EFR3A: variants seen among roughly 807,000 people sequenced by gnomAD.
EFR3A encodes protein EFR3 homolog A.
In EFR3A, 76 loss-of-function variants were observed where a neutral mutation model predicts 104.4. The observed-to-expected ratio is 0.73, with a 90% CI of 0.60 to 0.88. The LOEUF (loss-of-function observed/expected upper bound fraction) is 0.88. Among genes scored for constraint, EFR3A ranks in the 40% least tolerant of loss-of-function variants. The pLI, the probability that EFR3A is intolerant of heterozygous loss-of-function variation, is 0.00. For synonymous variants in EFR3A, 330 were observed against 330.0 expected (o/e 1.00, Z 0.00); for missense variants, 985 against 1,012.5 (o/e 0.97, Z 0.37).
At chr8:131,966,426 A>T (rs919510364) in intron 8 of EFR3A, among the ~76,000 whole-genome samples, 2 of 152,124 alleles carry the variant, frequency 1.3e-5, no homozygotes, top group African/African-American at 4.8e-5. Context: ...TGTCGTCATT[A>T]TTGTTATGTT....
chr8:131,958,960 G>T (rs1819166770), intron 7 of EFR3A, among the ~76,000 whole-genome samples: 1 of 152,110 alleles, frequency 6.6e-6, no homozygotes, highest in Non-Finnish European at 1.5e-5. Flanking sequence ...GACCCTTAGA[G>T]AAGTCAAGTA....
chr8:131,970,323 C>A (rs1819977805), intron 9 of EFR3A, among the ~76,000 whole-genome samples, 153 bp from the exon 10 acceptor site: 1 of 152,076 alleles, frequency 6.6e-6, no homozygotes, highest in Non-Finnish European at 1.5e-5. Flanking sequence ...TTCTCATTTA[C>A]TCTTTTTTAA....
chr8:131,925,722 G>A (rs1563629988), intron 1 of EFR3A, among the ~76,000 whole-genome samples: 1 of 152,010 alleles, frequency 6.6e-6, no homozygotes, highest in Admixed American at 6.6e-5. Context: ...AACTCTTAAT[G>A]CTATATTAAG....
chr8:131,933,778 G>T (rs1243338371), intron 1 of EFR3A, among the ~76,000 whole-genome samples: 5 of 150,778 alleles, frequency 3.3e-5, no homozygotes, highest in African/African-American at 1.2e-4. Context: ...GTATAAACCA[G>T]TTAGTTGCCT....
intron 1 of EFR3A, among the ~76,000 whole-genome samples, chr8:131,910,272 A>G (rs2130377842): frequency 6.6e-6 from 1 of 152,260 alleles, no homozygotes; most frequent in South Asian, 2.1e-4. Context: ...AGCTGCAGCC[A>G]TCTTTCTCTG....
At chr8:131,968,219 GT>G in intron 8 of EFR3A, 75 bp from the exon 9 acceptor site, 65 of 1,434,630 alleles carry the variant, frequency 4.5e-5, no homozygotes, top group Middle Eastern at 1.8e-4. Context: ...CGTGTCAGGT[GT>G]TTTTTTTATT....
intron 17 of EFR3A, among the ~76,000 whole-genome samples, chr8:131,987,134 G>A (rs531245868): frequency 6.6e-6 from 1 of 152,244 alleles, no homozygotes; most frequent in South Asian, 2.1e-4. Flanking sequence ...CAAGGAAAGT[G>A]AAACCTTATG....
At chr8:131,907,396 GA>G (rs1484402114) in intron 1 of EFR3A, among the ~76,000 whole-genome samples, 1 of 152,170 alleles carries the variant, frequency 6.6e-6, no homozygotes, top group Non-Finnish European at 1.5e-5. Flanking sequence ...TATTTTATAT[GA>G]AAAGTTATTC....
At chr8:131,913,134 T>C (rs79795880) in intron 1 of EFR3A, among the ~76,000 whole-genome samples, 1 of 32,522 alleles carries the variant, frequency 3.1e-5, no homozygotes, top group African/African-American at 8.7e-5. Flanking sequence ...ATTTTTCTGT[T>C]TTTTTTTTTT....
intron 7 of EFR3A, among the ~76,000 whole-genome samples, chr8:131,959,352 A>G (rs1819187997): frequency 6.6e-6 from 1 of 152,170 alleles, no homozygotes; most frequent in Non-Finnish European, 1.5e-5. Flanking sequence ...TGGAATCAAT[A>G]AATATTTGTT....
chr8:131,924,697 G>A (rs1817213530), intron 1 of EFR3A, among the ~76,000 whole-genome samples: 1 of 151,996 alleles, frequency 6.6e-6, no homozygotes, highest in Admixed American at 6.6e-5. Flanking sequence ...CAGATTTCTT[G>A]AAAGGAGAAA....
At chr8:131,959,859 A>G (rs948640653) in intron 8 of EFR3A, among the ~76,000 whole-genome samples, 196 bp downstream of exon 8, 3 of 152,236 alleles carry the variant, frequency 2.0e-5, no homozygotes, top group Admixed American at 1.3e-4. Flanking sequence ...AATAAAAATA[A>G]CTAAATCATT....
intron 11 of EFR3A, among the ~76,000 whole-genome samples, chr8:131,976,625 C>T (rs1351957648): frequency 2.0e-5 from 3 of 151,886 alleles, no homozygotes; most frequent in African/African-American, 4.8e-5. Context: ...GTATCTTATT[C>T]GACTTACATT....
chr8:131,908,560 T>C (rs1223666014), intron 1 of EFR3A, among the ~76,000 whole-genome samples: 1 of 152,192 alleles, frequency 6.6e-6, no homozygotes, highest in African/African-American at 2.4e-5. Flanking sequence ...ACTCTTCCAC[T>C]TTGAGGGAGG....
At chr8:131,953,745 T>C in intron 5 of EFR3A, 73 bp from the exon 6 acceptor site, 1 of 1,321,294 alleles carries the variant, frequency 7.6e-7, no homozygotes, top group Non-Finnish European at 1.0e-6. Context: ...ATCCATTCTC[T>C]TAGCTACGCA....
Position 131,955,843 on chromosome 8 carries a change from C to G in EFR3A, c.714C>G (p.Phe238Leu), listed in dbSNP as rs1247520191. 1 of 1,613,592 alleles carries G rather than the reference C, an allele frequency of 6.2e-7. No homozygotes were observed. Among genetic ancestry groups the G allele is most frequent in the Non-Finnish European group, 8.5e-7 (1 of 1,179,648 alleles). ...ENPAVLAENC[F>L]RELLGRATFG... is the part of the protein sequence containing the mutation. ...CTGCTGTGCTGGCTGAAAACTGTTT[C>G]AGAGAACTGCTGGGTCGAGCAACTT... Residue 238 changes from phenylalanine to leucine, a missense_variant, in exon 7 of 23, where the codon TTC (phenylalanine) becomes TTG (leucine). Transcript: ENST00000254624.
At chr8:132,003,573 A>C (rs2130808543) in intron 22 of EFR3A, among the ~76,000 whole-genome samples, 1 of 151,956 alleles carries the variant, frequency 6.6e-6, no homozygotes, top group Middle Eastern at 3.4e-3. Context: ...TAATTTAAAA[A>C]AGACCCATAT....
intron 18 of EFR3A, among the ~76,000 whole-genome samples, chr8:131,995,005 T>C (rs1821401686): frequency 6.6e-6 from 1 of 152,166 alleles, no homozygotes; most frequent in Non-Finnish European, 1.5e-5. Context: ...TTCTGAATTC[T>C]CTTCTGTATC....
At chr8:132,005,067 G>A (rs2130811983) in intron 22 of EFR3A, among the ~76,000 whole-genome samples, 1 of 152,270 alleles carries the variant, frequency 6.6e-6, no homozygotes, top group African/African-American at 2.4e-5. Flanking sequence ...TAAGCACTGT[G>A]CTAAATGTAT....
Sources: allele counts gnomAD v4.1 joint callset (sites outside exome capture counted in the v4.1 genomes callset), GRCh38; gene constraint gnomAD v4.1.1; transcripts MANE v1.5; gene names NCBI Gene and HGNC (gene_info 2026-07-23, HGNC 2026-07-21).